Variants in SOX5 observed in about 807,000 individuals in gnomAD.
SOX5 encodes the protein SRY-box transcription factor 5.
SOX5 carries 9 observed loss-of-function variants against 92.0 expected under a neutral mutation model. The observed-to-expected ratio is 0.10, with a 90% CI of 0.06 to 0.17. The LOEUF is 0.17. Among genes scored for constraint, SOX5 ranks in the 10% least tolerant of loss-of-function variants. The probability of loss-of-function intolerance (pLI) is 1.00; values close to 1 mark genes in which losing one functional copy is unlikely to be tolerated. For synonymous variants in SOX5, 344 were observed against 336.3 expected, an observed-to-expected ratio of 1.02 and a Z score of -0.25; for missense variants, 642 against 944.5, an observed-to-expected ratio of 0.68 and a Z score of 4.20.
rs188853700 is a variant in SOX5, at chr12:24,104,397, G to T, written c.-2+108946C>A. On this transcript the variant is annotated intron_variant, in intron 4 of 4. Transcript: ENST00000446891. ...GAAAGGATACTGTTATAATCTAGAG[G>T]TAACTTCTGGGAAACTAAATACACA... is the stretch of plus-strand genomic sequence containing the variant. Among the ~76,000 whole-genome samples, 286 of 152,144 alleles carry T rather than the reference G, an allele frequency of 1.9e-3. 1 individual carries two copies. The highest frequency in any genetic ancestry group is 6.8e-3 in the Middle Eastern group (2 of 294).
Position 24,075,074 on chromosome 12 carries a change from C to A in SOX5, c.-2+138269G>T, listed in dbSNP as rs1475970222. On this transcript the variant is annotated intron_variant, in intron 4 of 4. Transcript: ENST00000446891. ...CTCAGAAATTCAAGACCAGCCTGGG[C>A]AACATAGGGAGACCCCATCTCTACA... Among the ~76,000 whole-genome samples the A allele has an allele frequency of 4.6e-5, 7 of 150,940 alleles. No individual in the cohort carries two copies. In the East Asian group the frequency reaches 1.4e-3, roughly 29 times the overall value.
intron 2 of SOX5, among the ~76,000 whole-genome samples, chr12:24,283,055 A>G (rs1487321972): frequency 6.6e-6 from 1 of 152,244 alleles, no homozygotes; most frequent in Non-Finnish European, 1.5e-5. Flanking sequence ...GATGTACCTT[A>G]GTATATTAGT....
At chr12:23,831,258 C>T (rs1370397797) in intron 3 of SOX5, among the ~76,000 whole-genome samples, 1 of 151,666 alleles carries the variant, frequency 6.6e-6, no homozygotes, top group Non-Finnish European at 1.5e-5. Flanking sequence ...ATAAATGAAA[C>T]AATAATGTTG....
intron 3 of SOX5, among the ~76,000 whole-genome samples, chr12:23,827,202 T>C (rs1167776249): frequency 1.3e-5 from 2 of 152,296 alleles, no homozygotes; most frequent in East Asian, 1.9e-4. Context: ...AATTAAAAAG[T>C]TTACATATAA....
intron 4 of SOX5, among the ~76,000 whole-genome samples, chr12:24,038,026 C>A (rs1956208034): frequency 6.6e-6 from 1 of 152,082 alleles, no homozygotes; most frequent in African/African-American, 2.4e-5. Context: ...CCTATTTCCC[C>A]AGAAAGACAT....
chr12:23,560,325 ACT>A (rs1846541727), intron 11 of SOX5, among the ~76,000 whole-genome samples: 1 of 152,164 alleles, frequency 6.6e-6, no homozygotes, highest in Non-Finnish European at 1.5e-5. Flanking sequence ...CTTTCACTAA[ACT>A]CTATGGCAAA....
At chr12:23,723,332 A>C (rs929203031) in intron 6 of SOX5, among the ~76,000 whole-genome samples, 1 of 152,090 alleles carries the variant, frequency 6.6e-6, no homozygotes, top group South Asian at 2.1e-4. Flanking sequence ...ATTCAACGAA[A>C]ACATAAAATC....
chr12:24,081,560 TA>T (rs1409488421), intron 4 of SOX5, among the ~76,000 whole-genome samples: 10 of 152,014 alleles, frequency 6.6e-5, no homozygotes, highest in Non-Finnish European at 1.5e-4. Flanking sequence ...CACATTCCTT[TA>T]TTTTTTTTCC....
intron 6 of SOX5, among the ~76,000 whole-genome samples, chr12:23,692,213 A>C (rs571339480): frequency 1.3e-5 from 2 of 152,116 alleles, no homozygotes; most frequent in South Asian, 4.2e-4. Flanking sequence ...CAGGCGGATC[A>C]CCTGAGGTCA....
At chr12:24,448,329 C>A (rs1484835665) in intron 1 of SOX5, among the ~76,000 whole-genome samples, 5 of 152,100 alleles carry the variant, frequency 3.3e-5, no homozygotes, top group African/African-American at 1.2e-4. Context: ...TTTTCTAAAT[C>A]TCAAATTGTA....
chr12:24,387,187 G>T (rs894371095), intron 1 of SOX5, among the ~76,000 whole-genome samples: 1 of 152,152 alleles, frequency 6.6e-6, no homozygotes, highest in Admixed American at 6.5e-5. Context: ...ACCATGAGTT[G>T]CTGGATACAG....
At chr12:24,255,667 C>T (rs1037285232) in intron 3 of SOX5, among the ~76,000 whole-genome samples, 2 of 151,930 alleles carry the variant, frequency 1.3e-5, no homozygotes, top group South Asian at 2.1e-4. Flanking sequence ...CTTCTCGACT[C>T]GGAAAAAAAA....
intron 2 of SOX5, among the ~76,000 whole-genome samples, chr12:24,356,036 G>T (rs980420444): frequency 1.4e-5 from 2 of 146,534 alleles, no homozygotes; most frequent in African/African-American, 5.5e-5. Flanking sequence ...GGATAAAAAA[G>T]GGGAGATATT....
At chr12:24,189,799 T>C (rs1956352134) in intron 4 of SOX5, among the ~76,000 whole-genome samples, 1 of 152,200 alleles carries the variant, frequency 6.6e-6, no homozygotes, top group South Asian at 2.1e-4. Flanking sequence ...TCATTTTATG[T>C]ATGTATGCTT....
intron 1 of SOX5, among the ~76,000 whole-genome samples, chr12:24,386,201 A>C (rs1167484412): frequency 1.3e-5 from 2 of 152,100 alleles, no homozygotes; most frequent in Admixed American, 1.3e-4. Flanking sequence ...AAGTCTATTG[A>C]CAATGTTAAG....
chr12:24,557,400 CAAAAAA>C (rs36026440), intron 1 of SOX5, among the ~76,000 whole-genome samples: 2 of 105,548 alleles, frequency 1.9e-5, no homozygotes, highest in African/African-American at 9.3e-5. Context: ...GACTTCATTT[CAAAAAA>C]AAAAAAAAGA....
intron 4 of SOX5, among the ~76,000 whole-genome samples, chr12:24,134,039 T>A (rs1336673900): frequency 2.0e-5 from 3 of 152,178 alleles, no homozygotes; most frequent in Non-Finnish European, 4.4e-5. Flanking sequence ...GAACACCTCT[T>A]CTTGTGAATT....
intron 9 of SOX5, among the ~76,000 whole-genome samples, chr12:23,590,242 A>C (rs962448108): frequency 6.6e-6 from 1 of 152,024 alleles, no homozygotes. Flanking sequence ...GGAGAAAGGC[A>C]GAAGTATTAA....
At chr12:23,686,914 T>G (rs538845255) in intron 6 of SOX5, among the ~76,000 whole-genome samples, 1 of 152,152 alleles carries the variant, frequency 6.6e-6, no homozygotes, top group South Asian at 2.1e-4. Context: ...AGGGATAATT[T>G]AAAAAAGGTT....
Sources: gnomAD v4.1 joint callset for allele counts (sites outside exome capture counted in the v4.1 genomes callset) on GRCh38, gnomAD v4.1.1 for gene constraint, MANE v1.5 for transcripts, NCBI Gene and HGNC (gene_info 2026-07-23, HGNC 2026-07-21) for gene names.